The following DENND11 variants were observed in gnomAD, a reference collection of about 807,000 sequenced individuals.
The protein encoded by DENND11 is DENN domain containing 11.
In DENND11, 34 loss-of-function variants were observed where a neutral mutation model predicts 49.2. The observed-to-expected ratio is 0.69, with a 90% CI of 0.53 to 0.92. DENND11 has a LOEUF of 0.92. DENND11 is among the 40% of genes least tolerant of loss of function. The pLI is 0.00. For synonymous variants in DENND11, 238 were observed against 230.3 expected, an observed-to-expected ratio of 1.03 and a Z score of -0.30; for missense variants, 475 against 581.6, an observed-to-expected ratio of 0.82 and a Z score of 1.88.
chr7:141,663,154 GGCCCCCAAACACT>G (rs1279252246), intron 8 of DENND11: 1 of 281,906 alleles, frequency 3.5e-6, no homozygotes, highest in African/African-American at 2.2e-5. Flanking sequence ...CCTGAGAAGA[GGCCCCCAAACACT>G]GCTTTTCTCT....
At chr7:141,671,370 T>A (rs921166086) in intron 4 of DENND11, among the ~76,000 whole-genome samples, 1 of 152,122 alleles carries the variant, frequency 6.6e-6, no homozygotes, top group Non-Finnish European at 1.5e-5. Context: ...AGAGATGGGG[T>A]TTCACCATGT....
intron 3 of DENND11, among the ~76,000 whole-genome samples, chr7:141,677,650 T>C (rs895995119): frequency 1.3e-5 from 2 of 151,728 alleles, no homozygotes; most frequent in African/African-American, 4.8e-5. Context: ...AAGGGTAACT[T>C]ACAGCTTGTA....
intron 3 of DENND11, among the ~76,000 whole-genome samples, chr7:141,685,037 T>C (rs778959437): frequency 2.6e-5 from 3 of 117,358 alleles, no homozygotes; most frequent in South Asian, 3.2e-4. Flanking sequence ...AAAATATATA[T>C]ATATATATAT....
intron 3 of DENND11, among the ~76,000 whole-genome samples, 168 bp downstream of exon 3, chr7:141,685,310 C>T (rs1263899002): frequency 1.3e-5 from 2 of 152,072 alleles, no homozygotes; most frequent in Non-Finnish European, 2.9e-5. Context: ...TCATGCAGGA[C>T]GTTGGCTGAA....
chr7:141,667,209 C>T (rs1489929710), intron 4 of DENND11, among the ~76,000 whole-genome samples: 2 of 152,190 alleles, frequency 1.3e-5, no homozygotes, highest in Non-Finnish European at 2.9e-5. Flanking sequence ...GCGTGAGCCA[C>T]CACGACTGGC....
In DENND11 at chr7:141,664,556, A is replaced by G. The variant is rs143247877; in HGVS notation, c.1104-316T>C. On this transcript the variant is annotated intron_variant, in intron 7 of 8. Transcript: ENST00000536163. ...AAGCAAGCTTCTAATACGGCGACCA[A>G]CACAATGAAGGTGCTCAGTCAAGGT... Among the ~76,000 whole-genome samples, 73 of 152,352 alleles carry G rather than the reference A, an allele frequency of 4.8e-4. 1 individual carries two copies. Among genetic ancestry groups the G allele is most frequent in the African/African-American group, 1.7e-3 (71 of 41,588 alleles).
At chr7:141,671,533 T>G (rs1797980119) in intron 4 of DENND11, among the ~76,000 whole-genome samples, 1 of 152,212 alleles carries the variant, frequency 6.6e-6, no homozygotes, top group Admixed American at 6.5e-5. Context: ...ACTCCACTGT[T>G]ATTTGTATCT....
At chr7:141,699,865 ATG>A (rs1798477576) in intron 1 of DENND11, among the ~76,000 whole-genome samples, 1 of 152,132 alleles carries the variant, frequency 6.6e-6, no homozygotes, top group Admixed American at 6.5e-5. Flanking sequence ...AAATGTCTAA[ATG>A]TGTTACAATC....
intron 4 of DENND11, among the ~76,000 whole-genome samples, chr7:141,669,072 C>A (rs542814921): frequency 7.4e-4 from 112 of 152,270 alleles, no homozygotes; most frequent in African/African-American, 2.6e-3. Context: ...CCCAGCCCCC[C>A]TCCCCTGTAT....
intron 3 of DENND11, among the ~76,000 whole-genome samples, chr7:141,680,869 T>TA (rs1220312063): frequency 6.6e-6 from 1 of 152,084 alleles, no homozygotes; most frequent in African/African-American, 2.4e-5. Flanking sequence ...AATGAACTAC[T>TA]ACGACTGCCA....
chr7:141,663,996 C>T (rs931623003), intron 8 of DENND11, 176 bp downstream of exon 8: 157 of 498,704 alleles, frequency 3.1e-4, no homozygotes, highest in Non-Finnish European at 5.0e-4. Context: ...CTTCTGGGTT[C>T]CCCCTAATGG....
chr7:141,670,902 C>T (rs940341883), intron 4 of DENND11, among the ~76,000 whole-genome samples: 3 of 152,162 alleles, frequency 2.0e-5, no homozygotes, highest in Non-Finnish European at 4.4e-5. Context: ...TACATGGGAA[C>T]GTGAGCATCT....
chr7:141,666,501 T>A, intron 4 of DENND11, 76 bp from the exon 5 acceptor site: 1 of 1,350,010 alleles, frequency 7.4e-7, no homozygotes, highest in Non-Finnish European at 9.9e-7. Flanking sequence ...AGGTATCTAA[T>A]CTCCTTCTCT....
chr7:141,698,524 G>T (rs1798450670), intron 1 of DENND11, among the ~76,000 whole-genome samples: 1 of 152,098 alleles, frequency 6.6e-6, no homozygotes, highest in Admixed American at 6.5e-5. Flanking sequence ...CTTTGAACCT[G>T]AAGCCCCTAG....
chr7:141,700,455 G>A (rs1584730374), intron 1 of DENND11, among the ~76,000 whole-genome samples: 1 of 150,028 alleles, frequency 6.7e-6, no homozygotes, highest in East Asian at 2.0e-4. Context: ...TCCAGCCTAG[G>A]CGACAGAGTG....
At position 141,666,369 on chromosome 7, in the gene DENND11, G is replaced by A. The variant is rs1797893883; in HGVS notation, c.738C>T (p.Ile246=). 1 of 1,613,312 alleles carries A rather than the reference G, an allele frequency of 6.2e-7. No individual in the cohort carries two copies. The highest frequency in any genetic ancestry group is 2.2e-5 in the East Asian group (1 of 44,872). The part of the protein sequence containing the change: ...SQFIKFFGEQ[I]LILWKFALLR... The stretch of plus-strand genomic sequence containing the variant: ...GTAAGGCAAATTTCCAGAGGATGAG[G>A]ATCTGTTCTCCAAAGAACTTTATAA... The change falls in exon 5 of 9, where the codon ATC becomes ATT. Residue 246 remains isoleucine, a synonymous_variant. Transcript: ENST00000536163.
intron 8 of DENND11, chr7:141,663,552 T>TG (rs1797839173): frequency 1.2e-4 from 1 of 8,532 alleles, no homozygotes; most frequent in Non-Finnish European, 1.7e-4. Flanking sequence ...ATGTAGGTTT[T>TG]AGAAGTCCAC....
At chr7:141,701,223 C>T (rs576439831) in intron 1 of DENND11, among the ~76,000 whole-genome samples, 4 of 152,066 alleles carry the variant, frequency 2.6e-5, no homozygotes, top group African/African-American at 4.8e-5. Context: ...GGAGGCTTCT[C>T]CTTTAATCAG....
Position 141,698,466 on chromosome 7 carries a change from C to T in DENND11, c.268+3420G>A, listed in dbSNP as rs1268160123. 2.6e-5 allele frequency among the ~76,000 whole-genome samples: 4 copies of T among 152,254 alleles called. No individual in the cohort carries two copies. In the South Asian group the frequency reaches 8.3e-4, roughly 32 times the overall value. On this transcript the variant is annotated intron_variant, in intron 1 of 8. Transcript: ENST00000536163. ...GGCCCAGATGATCAGCACCACCATC[C>T]TAGGGCCCCCTGCTCCAGATGAGGA...
Sources: allele counts gnomAD v4.1 joint callset (sites outside exome capture counted in the v4.1 genomes callset), GRCh38; gene constraint gnomAD v4.1.1; transcripts MANE v1.5; gene names NCBI Gene and HGNC (gene_info 2026-07-23, HGNC 2026-07-21).